The following RBM20 variants were observed in gnomAD, a reference collection of about 807,000 sequenced individuals.
RBM20 encodes RNA-binding protein 20.
In RBM20, 51 loss-of-function variants were observed where a neutral mutation model predicts 110.1. That is an observed-to-expected ratio of 0.46 (90% CI 0.37 to 0.59). RBM20 has a LOEUF of 0.59. RBM20 is among the 20% of genes least tolerant of loss of function. RBM20 has a pLI of 0.00. For missense variants in RBM20, 1,512 were observed against 1,574.9 expected (o/e 0.96, Z 0.68); for synonymous variants, 589 against 618.2 (o/e 0.95, Z 0.70).
intron 1 of RBM20, among the ~76,000 whole-genome samples, chr10:110,666,627 C>CAG (rs893508982): frequency 2.0e-5 from 3 of 152,128 alleles, no homozygotes; most frequent in Non-Finnish European, 2.9e-5. Context: ...GCCTGGGTGA[C>CAG]AGAGAGAGAC....
chr10:110,757,505 A>T (rs1056471203), intron 1 of RBM20, among the ~76,000 whole-genome samples: 1 of 152,234 alleles, frequency 6.6e-6, no homozygotes, highest in African/African-American at 2.4e-5. Flanking sequence ...TACTCACAGA[A>T]TATGCGAAGT....
At chr10:110,802,869 G>T (rs1403155716) in intron 7 of RBM20, among the ~76,000 whole-genome samples, 2 of 152,218 alleles carry the variant, frequency 1.3e-5, no homozygotes, top group Non-Finnish European at 2.9e-5. Context: ...GGTGATGTCA[G>T]CCTGGGCTCT....
At chr10:110,744,595 A>G (rs1021564413) in intron 1 of RBM20, among the ~76,000 whole-genome samples, 1 of 152,178 alleles carries the variant, frequency 6.6e-6, no homozygotes, top group African/African-American at 2.4e-5. Context: ...CTGGGGGTGG[A>G]TGCTAGTGAT....
chr10:110,833,407 G>A (rs200188354), intron 13 of RBM20, among the ~76,000 whole-genome samples: 4,057 of 40,916 alleles, frequency 0.099, 7 homozygotes, highest in Non-Finnish European at 0.12. Context: ...AAAAAAAAAA[G>A]AAATGCAGCT....
At chr10:110,793,407 A>C (rs977557180) in intron 5 of RBM20, among the ~76,000 whole-genome samples, 1 of 152,262 alleles carries the variant, frequency 6.6e-6, no homozygotes, top group Non-Finnish European at 1.5e-5. Flanking sequence ...AATCAAAGAC[A>C]GAGACACACC....
chr10:110,699,241 T>A (rs538701129), intron 1 of RBM20, among the ~76,000 whole-genome samples: 133 of 139,342 alleles, frequency 9.5e-4, no homozygotes, highest in South Asian at 5.8e-3. Flanking sequence ...AGGGCATCTT[T>A]AAAAAAAAAA....
intron 1 of RBM20, among the ~76,000 whole-genome samples, chr10:110,730,935 G>A (rs1205031719): frequency 6.6e-6 from 1 of 152,174 alleles, no homozygotes; most frequent in East Asian, 1.9e-4. Context: ...TGCTTAGAGC[G>A]TGCACACAGC....
chr10:110,767,206 C>CG (rs1272091267), intron 1 of RBM20, among the ~76,000 whole-genome samples: 10 of 111,494 alleles, frequency 9.0e-5, no homozygotes, highest in African/African-American at 1.4e-4. Flanking sequence ...GCTGGCCGGG[C>CG]GGGGGGGCTG....
At chr10:110,651,794 T>G (rs1334183933) in intron 1 of RBM20, among the ~76,000 whole-genome samples, 1 of 152,202 alleles carries the variant, frequency 6.6e-6, no homozygotes, top group African/African-American at 2.4e-5. Context: ...CTGGGCCTCA[T>G]GCTTCCGTGT....
At chr10:110,660,719 G>C (rs1197202160) in intron 1 of RBM20, among the ~76,000 whole-genome samples, 1 of 151,752 alleles carries the variant, frequency 6.6e-6, no homozygotes, top group African/African-American at 2.4e-5. Context: ...CCATCTAGTT[G>C]CAGGAAAATA....
chr10:110,775,207 T>G lies in RBM20; in HGVS notation c.192-5594T>G, dbSNP rs143921468. The stretch of plus-strand genomic sequence containing the variant: ...GTGTGGTCATACCTAGAAAATATTT[T>G]CTTGCCTGGTCATCAGCCCTCTCAC... On this transcript the variant is annotated intron_variant, in intron 1 of 13. Transcript: ENST00000369519. Among the ~76,000 whole-genome samples, 880 of 152,346 alleles carry G rather than the reference T, an allele frequency of 5.8e-3. 3 individuals are homozygous for G. The highest frequency in any genetic ancestry group is 0.011 in the Non-Finnish European group (719 of 68,034).
At chr10:110,822,283 A>G in intron 11 of RBM20, 3 of 421,698 alleles carry the variant, frequency 7.1e-6, no homozygotes, top group Admixed American at 3.4e-5. Flanking sequence ...TCGTGCCTGC[A>G]CAGCAGAGGG....
intron 12 of RBM20, among the ~76,000 whole-genome samples, chr10:110,824,193 C>A (rs923152856): frequency 2.6e-5 from 4 of 152,124 alleles, no homozygotes; most frequent in Admixed American, 1.3e-4. Flanking sequence ...TTTTTCCTGT[C>A]AGGGAATGCT....
intron 12 of RBM20, among the ~76,000 whole-genome samples, chr10:110,828,647 C>T (rs10885055): frequency 0.46 from 67,667 of 147,364 alleles, 15,834 homozygotes; most frequent in East Asian, 0.64. Flanking sequence ...TAGGTGATTC[C>T]CCTAAACATC....
chr10:110,778,584 T>G (rs1844296983), intron 1 of RBM20, among the ~76,000 whole-genome samples: 1 of 152,266 alleles, frequency 6.6e-6, no homozygotes, highest in Admixed American at 6.5e-5. Flanking sequence ...CTGTACTGCC[T>G]AAGCATGCTT....
At position 110,664,699 on chromosome 10, in the gene RBM20, A is replaced by T. The variant is rs181182645; in HGVS notation, c.191+20054A>T. On this transcript the variant is annotated intron_variant, in intron 1 of 13. Coordinates refer to ENST00000369519, the MANE Select transcript of RBM20 (RefSeq NM_001134363.3). Reference sequence around the variant, plus strand: ...GAGGTGGAGGTTGCAGTGAGCCGAGATGGTGCCACTGCACTTTAGCCTGGG... The same window carrying T: ...GAGGTGGAGGTTGCAGTGAGCCGAGTTGGTGCCACTGCACTTTAGCCTGGG... 4.1e-3 allele frequency among the ~76,000 whole-genome samples: 618 copies of T among 152,294 alleles called. 4 individuals are homozygous for T. Among genetic ancestry groups the T allele is most frequent in the African/African-American group, 0.014 (577 of 41,572 alleles).
intron 5 of RBM20, among the ~76,000 whole-genome samples, chr10:110,795,797 G>A (rs1393180440): frequency 1.3e-5 from 2 of 152,172 alleles, no homozygotes; most frequent in African/African-American, 2.4e-5. Context: ...ATTCCAGGCT[G>A]ATTAAGGTTT....
At chr10:110,831,349 T>C in intron 13 of RBM20, 167 bp downstream of exon 13, 1 of 623,306 alleles carries the variant, frequency 1.6e-6, no homozygotes, top group African/African-American at 1.8e-5. Flanking sequence ...ACCAGGCTGT[T>C]TTCTGCTTCT....
intron 1 of RBM20, among the ~76,000 whole-genome samples, chr10:110,736,773 C>T (rs1843675163): frequency 6.6e-6 from 1 of 152,140 alleles, no homozygotes; most frequent in African/African-American, 2.4e-5. Context: ...GTTTGTATCC[C>T]TCCAAAATGC....
Sources: allele counts gnomAD v4.1 joint callset (sites outside exome capture counted in the v4.1 genomes callset), GRCh38; gene constraint gnomAD v4.1.1; transcripts MANE v1.5; gene names NCBI Gene and HGNC (gene_info 2026-07-23, HGNC 2026-07-21).